PDE1C: variants seen among roughly 807,000 people sequenced by gnomAD.
PDE1C encodes phosphodiesterase 1C, also known as dual specificity calcium/calmodulin-dependent 3',5'-cyclic nucleotide phosphodiesterase 1C.
Under a neutral mutation model 93.1 loss-of-function variants are expected in PDE1C, and 62 were observed. That is an observed-to-expected ratio of 0.67 (90% CI 0.54 to 0.82). The LOEUF (loss-of-function observed/expected upper bound fraction) is 0.82. PDE1C is among the 40% of genes least tolerant of loss of function. The pLI is 0.00. For missense variants in PDE1C, 742 were observed against 884.6 expected (o/e 0.84, Z 2.04); for synonymous variants, 325 against 310.1 (o/e 1.05, Z -0.50).
At chr7:32,299,298 T>C in exon 1 of PDE1C, 1 of 985,852 alleles carries the variant, frequency 1.0e-6, no homozygotes, top group Non-Finnish European at 1.2e-6. Flanking sequence ...AGCCATGAGA[T>C]GTTGCCGAAG....
chr7:31,770,509 A>G (rs923394503), intron 17 of PDE1C, among the ~76,000 whole-genome samples: 11 of 148,764 alleles, frequency 7.4e-5, no homozygotes, highest in African/African-American at 2.8e-4. Context: ...CTTCTTTTTT[A>G]TTTTATTTTT....
chr7:31,786,900 TCTATCTATCTATCTATCTATCTATC>T (rs1784016458), intron 16 of PDE1C: 5 of 5,106 alleles, frequency 9.8e-4, no homozygotes, highest in Non-Finnish European at 1.6e-3. Context: ...ATATTATCTA[TCTATCTATCTATCTATCTATCTATC>T]TATCTATCTA....
intron 1 of PDE1C, among the ~76,000 whole-genome samples, chr7:32,383,061 G>A (rs1784562479): frequency 6.6e-6 from 1 of 152,050 alleles, no homozygotes; most frequent in South Asian, 2.1e-4. Context: ...TTAACATTAG[G>A]GCATCTCAGG....
intron 1 of PDE1C, among the ~76,000 whole-genome samples, chr7:32,382,660 C>T (rs1248872031): frequency 6.6e-6 from 1 of 152,232 alleles, no homozygotes; most frequent in African/African-American, 2.4e-5. Context: ...TACTAGTCTA[C>T]AGTTCACTAC....
chr7:32,092,142 C>T lies in PDE1C; in HGVS notation c.308+77643G>A, dbSNP rs192747770. Among the ~76,000 whole-genome samples the T allele has an allele frequency of 4.0e-3, 590 of 148,038 alleles. 2 individuals are homozygous for T. Among genetic ancestry groups the T allele is most frequent in the Non-Finnish European group, 7.0e-3 (469 of 67,040 alleles). ...AAACAATAAGATGTTTTGCCATTTC[C>T]AAAGATGTTTCCTTTTGTTCATGAG... is the stretch of plus-strand genomic sequence containing the variant. On this transcript the variant is annotated intron_variant, in intron 3 of 18. Transcript: ENST00000396193.
intron 1 of PDE1C, among the ~76,000 whole-genome samples, chr7:32,225,115 T>C (rs1012861079): frequency 6.6e-6 from 1 of 152,150 alleles, no homozygotes; most frequent in African/African-American, 2.4e-5. Context: ...GTTGTCAGTT[T>C]TCAAAGAAGG....
chr7:32,217,647 G>T (rs1806532711), intron 1 of PDE1C, among the ~76,000 whole-genome samples: 1 of 152,218 alleles, frequency 6.6e-6, no homozygotes, highest in South Asian at 2.1e-4. Flanking sequence ...CATGGTTGGG[G>T]TTGGGGGAAA....
Position 31,847,824 on chromosome 7 carries a change from G to A in PDE1C, c.980+144C>T, listed in dbSNP as rs180941860. Reference sequence around the variant, plus strand: ...GACATACATACATACACAAAGAGAGGGTGAGAGTGAGAGAAAGAAAGAGAG... The same window carrying A: ...GACATACATACATACACAAAGAGAGAGTGAGAGTGAGAGAAAGAAAGAGAG... On this transcript the variant is annotated intron_variant, in intron 9 of 17. Transcript: ENST00000396191. 369 of 811,262 alleles carry A rather than the reference G, an allele frequency of 4.5e-4. 1 individual carries two copies. The African/African-American group carries it at 5.8e-3, about 13-fold the overall frequency. 50.3% of individuals were successfully genotyped at this position (811,262 alleles called of 1,614,324 possible).
chr7:32,139,733 A>T (rs755607950), intron 3 of PDE1C, among the ~76,000 whole-genome samples: 2 of 152,194 alleles, frequency 1.3e-5, no homozygotes, highest in African/African-American at 2.4e-5. Context: ...AGCCAATGAG[A>T]CATGAAGAGT....
At chr7:32,164,006 G>T (rs909237639) in intron 3 of PDE1C, among the ~76,000 whole-genome samples, 1 of 152,202 alleles carries the variant, frequency 6.6e-6, no homozygotes, top group Non-Finnish European at 1.5e-5. Flanking sequence ...TGAGGAAAGA[G>T]AACAAAAGCA....
chr7:32,299,326 A>T (rs1470619696), exon 1 of PDE1C: 1 of 985,608 alleles, frequency 1.0e-6, no homozygotes, highest in Non-Finnish European at 1.2e-6. Flanking sequence ...CAAACAAGGA[A>T]GTCGGGAAAA....
chr7:31,853,630 G>C (rs1024324588), intron 7 of PDE1C, among the ~76,000 whole-genome samples: 3 of 152,162 alleles, frequency 2.0e-5, no homozygotes, highest in Non-Finnish European at 4.4e-5. Flanking sequence ...CATGCCATCA[G>C]CTCCCCACTT....
At chr7:32,304,356 C>T (rs889313212) in intron 1 of PDE1C, among the ~76,000 whole-genome samples, 2 of 152,142 alleles carry the variant, frequency 1.3e-5, no homozygotes, top group South Asian at 2.1e-4. Flanking sequence ...AGTAAGCCTT[C>T]GCTAAAACAT....
chr7:31,928,967 C>T (rs796069115), intron 2 of PDE1C, among the ~76,000 whole-genome samples: 1 of 152,006 alleles, frequency 6.6e-6, no homozygotes, highest in Non-Finnish European at 1.5e-5. Context: ...GCTAAATACC[C>T]CAATTAAGAG....
intron 3 of PDE1C, among the ~76,000 whole-genome samples, chr7:32,144,176 A>G (rs1412825468): frequency 6.6e-6 from 1 of 152,170 alleles, no homozygotes; most frequent in Non-Finnish European, 1.5e-5. Flanking sequence ...GAGAGACACT[A>G]TATCAGCTCA....
At chr7:32,112,166 T>G (rs1798677932) in intron 3 of PDE1C, among the ~76,000 whole-genome samples, 1 of 152,148 alleles carries the variant, frequency 6.6e-6, no homozygotes, top group Admixed American at 6.6e-5. Flanking sequence ...TCCCAGGACT[T>G]GGGAAACTCA....
the PDE1C span, among the ~76,000 whole-genome samples, chr7:31,684,312 A>T: frequency 1.3e-5 from 2 of 152,338 alleles, no homozygotes; most frequent in East Asian, 1.9e-4. Flanking sequence ...TGACAAAAGG[A>T]TTTGTTAAAA....
At chr7:31,662,235 C>T in the PDE1C span, among the ~76,000 whole-genome samples, 11 of 152,140 alleles carry the variant, frequency 7.2e-5, no homozygotes, top group South Asian at 2.1e-4. Flanking sequence ...ACCCAATATC[C>T]GCTAAAATGT....
chr7:32,136,094 T>A (rs1330127977), intron 3 of PDE1C, among the ~76,000 whole-genome samples: 1 of 152,060 alleles, frequency 6.6e-6, no homozygotes, highest in Non-Finnish European at 1.5e-5. Context: ...GAGAGTAGAA[T>A]TGTGGTTACC....
Sources: allele counts gnomAD v4.1 joint callset (sites outside exome capture counted in the v4.1 genomes callset), GRCh38; gene constraint gnomAD v4.1.1; transcripts MANE v1.5; gene names NCBI Gene and HGNC (gene_info 2026-07-23, HGNC 2026-07-21).